EHMT1: variants seen among roughly 807,000 people sequenced by gnomAD.
EHMT1 encodes histone-lysine N-methyltransferase EHMT1.
Under a neutral mutation model 147.2 loss-of-function variants are expected in EHMT1, and 15 were observed. The ratio of observed to expected loss-of-function variants is 0.10; its 90% CI spans 0.07 to 0.16. The LOEUF is 0.16. Among genes scored for constraint, EHMT1 ranks in the 10% least tolerant of loss-of-function variants. EHMT1 has a pLI of 1.00. For missense variants in EHMT1, 1,587 were observed against 1,772.4 expected, an observed-to-expected ratio of 0.90 and a Z score of 1.88; for synonymous variants, 795 against 709.6, an observed-to-expected ratio of 1.12 and a Z score of -1.91.
At chr9:137,657,190 G>C (rs1347804400) in intron 1 of EHMT1, among the ~76,000 whole-genome samples, 3 of 152,180 alleles carry the variant, frequency 2.0e-5, no homozygotes. Context: ...GGTGTGGGGA[G>C]CGTGTGGCTG....
intron 10 of EHMT1, among the ~76,000 whole-genome samples, chr9:137,767,903 C>G (rs1432043358): frequency 6.6e-6 from 1 of 152,146 alleles, no homozygotes; most frequent in African/African-American, 2.4e-5. Context: ...GAACATTTTG[C>G]ATTTCAGATT....
At chr9:137,711,677 G>T (rs1944739415) in intron 2 of EHMT1, among the ~76,000 whole-genome samples, 1 of 152,116 alleles carries the variant, frequency 6.6e-6, no homozygotes. Context: ...CCTCTGTAAG[G>T]CGTGGCGCAC....
intron 1 of EHMT1, among the ~76,000 whole-genome samples, chr9:137,674,308 A>C (rs534219308): frequency 1.3e-5 from 2 of 152,338 alleles, no homozygotes; most frequent in Non-Finnish European, 2.9e-5. Flanking sequence ...CAGGTGCCGA[A>C]AGACATTAAA....
At chr9:137,688,180 C>T (rs961228175) in intron 1 of EHMT1, among the ~76,000 whole-genome samples, 2 of 152,102 alleles carry the variant, frequency 1.3e-5, no homozygotes, top group Non-Finnish European at 2.9e-5. Context: ...TGCGCCACCA[C>T]GCCTGGCTAA....
At chr9:137,671,584 G>T (rs1940656055) in intron 1 of EHMT1, among the ~76,000 whole-genome samples, 1 of 131,402 alleles carries the variant, frequency 7.6e-6, no homozygotes, top group Non-Finnish European at 1.5e-5. Context: ...GGGTGCAGTT[G>T]TGTGACCTTG....
intron 1 of EHMT1, among the ~76,000 whole-genome samples, chr9:137,624,060 C>T (rs544616901): frequency 4.1e-5 from 6 of 147,330 alleles, no homozygotes; most frequent in East Asian, 4.1e-4. Flanking sequence ...AGTACAGTGG[C>T]GCCATCTCGG....
At chr9:137,659,586 C>CT (rs1434988619) in intron 1 of EHMT1, among the ~76,000 whole-genome samples, 1 of 149,240 alleles carries the variant, frequency 6.7e-6, no homozygotes, top group African/African-American at 2.5e-5. Context: ...GACAGAGTCT[C>CT]TGTTGCCCAG....
At chr9:137,790,421 C>T (rs1258741606) in intron 15 of EHMT1, among the ~76,000 whole-genome samples, 3 of 152,158 alleles carry the variant, frequency 2.0e-5, no homozygotes, top group African/African-American at 7.2e-5. Context: ...TCAGGATTTT[C>T]CACTTATTTT....
intron 1 of EHMT1, among the ~76,000 whole-genome samples, chr9:137,694,514 G>A (rs1197102013): frequency 6.6e-6 from 1 of 152,130 alleles, no homozygotes; most frequent in Non-Finnish European, 1.5e-5. Flanking sequence ...AGTCTCGTTG[G>A]TCGGCAGTCT....
At chr9:137,801,025 G>GTCCCCACCCCTCCA in intron 18 of EHMT1, 41 bp downstream of exon 18, 1 of 1,583,362 alleles carries the variant, frequency 6.3e-7, no homozygotes, top group South Asian at 1.1e-5. Flanking sequence ...TGTCCTGGAG[G>GTCCCCACCCCTCCA]GGTGGGGACC....
chr9:137,810,334 A>G (rs1365026431), intron 18 of EHMT1, among the ~76,000 whole-genome samples: 1 of 152,152 alleles, frequency 6.6e-6, no homozygotes, highest in Non-Finnish European at 1.5e-5. Flanking sequence ...AGGCCTCAGT[A>G]CCTGGGAGCC....
At chr9:137,780,500 A>G (rs1168020624) in intron 14 of EHMT1, among the ~76,000 whole-genome samples, 5 of 91,330 alleles carry the variant, frequency 5.5e-5, no homozygotes, top group African/African-American at 1.3e-4. Context: ...GATGACGCTG[A>G]GACGTGTGGT....
chr9:137,722,143 GTC>G (rs1419041107), intron 3 of EHMT1, among the ~76,000 whole-genome samples: 1 of 152,036 alleles, frequency 6.6e-6, no homozygotes, highest in Non-Finnish European at 1.5e-5. Flanking sequence ...TACATCATTC[GTC>G]TCTCTGAAGT....
intron 1 of EHMT1, among the ~76,000 whole-genome samples, chr9:137,640,339 C>T (rs956628937): frequency 6.6e-6 from 1 of 152,128 alleles, no homozygotes; most frequent in Admixed American, 6.5e-5. Context: ...AGTGCAGTGG[C>T]GTGATCATAG....
intron 7 of EHMT1, among the ~76,000 whole-genome samples, chr9:137,753,829 G>A (rs190151694): frequency 1.4e-4 from 22 of 152,172 alleles, no homozygotes; most frequent in Non-Finnish European, 2.4e-4. Context: ...TCTTGTGAGC[G>A]AGATGAACGG....
At chr9:137,803,872 C>T (rs935560737) in intron 18 of EHMT1, among the ~76,000 whole-genome samples, 1 of 151,796 alleles carries the variant, frequency 6.6e-6, no homozygotes, top group Non-Finnish European at 1.5e-5. Flanking sequence ...AACTGCTTTC[C>T]AAGTGATTGT....
chr9:137,636,799 G>C (rs1471710498), intron 1 of EHMT1, among the ~76,000 whole-genome samples: 1 of 151,864 alleles, frequency 6.6e-6, no homozygotes, highest in Non-Finnish European at 1.5e-5. Context: ...TATTTTGTTG[G>C]GGATTGTTGC....
intron 16 of EHMT1, among the ~76,000 whole-genome samples, chr9:137,793,430 C>G (rs999427517): frequency 6.6e-6 from 1 of 152,218 alleles, no homozygotes; most frequent in Non-Finnish European, 1.5e-5. Flanking sequence ...GGAACTCTCA[C>G]GCGTTGCTAG....
chr9:137,675,565 G>A (rs1378303233), intron 1 of EHMT1, among the ~76,000 whole-genome samples: 3 of 151,070 alleles, frequency 2.0e-5, no homozygotes, highest in Non-Finnish European at 4.4e-5. Flanking sequence ...CCAGGTTCCC[G>A]CCATTCTCCT....
Sources: allele counts gnomAD v4.1 joint callset (sites outside exome capture counted in the v4.1 genomes callset), GRCh38; gene constraint gnomAD v4.1.1; transcripts MANE v1.5; gene names NCBI Gene and HGNC (gene_info 2026-07-23, HGNC 2026-07-21).